MNS1: variants seen among roughly 807,000 people sequenced by gnomAD.
MNS1 encodes the protein meiosis-specific nuclear structural protein 1.
In MNS1, 63 loss-of-function variants were observed where a neutral mutation model predicts 72.0. That is an observed-to-expected ratio of 0.87 (90% CI 0.71 to 1.08). The LOEUF (loss-of-function observed/expected upper bound fraction) is 1.08, where lower values mean the gene tolerates loss of function less well. Among genes scored for constraint, MNS1 ranks in the 50% least tolerant of loss-of-function variants. The probability of loss-of-function intolerance (pLI) is 0.00; values close to 1 mark genes in which losing one functional copy is unlikely to be tolerated. For synonymous variants in MNS1, 188 were observed against 172.1 expected, an observed-to-expected ratio of 1.09 and a Z score of -0.72; for missense variants, 604 against 562.4, an observed-to-expected ratio of 1.07 and a Z score of -0.75.
At chr15:56,429,438 A>G (rs147756291) in intron 9 of MNS1, 11 of 357,846 alleles carry the variant, frequency 3.1e-5, no homozygotes, top group African/African-American at 2.4e-4. Context: ...TTTCATAGGA[A>G]TCTGAGCTCT....
chr15:56,452,417 G>A (rs1596266490), intron 3 of MNS1, among the ~76,000 whole-genome samples: 1 of 152,098 alleles, frequency 6.6e-6, no homozygotes, highest in East Asian at 1.9e-4. Flanking sequence ...TTCTTATTGG[G>A]GGTGGTAACT....
chr15:56,446,927 A>G lies in MNS1; in HGVS notation c.370T>C (p.Leu124=). The change falls in exon 4 of 10, where the codon TTG becomes CTG. Residue 124 remains leucine (L), a synonymous_variant. Coordinates refer to ENST00000260453, the MANE Select transcript of MNS1 (RefSeq NM_018365.4). ...VRENSIELRE[L]EKKLKAAYMN... ...TAAGCTGCTTTTAATTTCTTCTCCA[A>G]TTCTCTAAGCTCAATGCTGTTTAAA... 6.2e-7 allele frequency: 1 copy of G among 1,608,348 alleles called. No homozygotes were observed. Among genetic ancestry groups the G allele is most frequent in the East Asian group, 2.2e-5 (1 of 44,702 alleles).
Position 56,443,727 on chromosome 15 carries a change from C to T in MNS1, c.814G>A (p.Glu272Lys), listed in dbSNP as rs1451114911. Residue 272 changes from glutamate (E) to lysine (K), a missense_variant, in exon 6 of 10, where the codon GAG becomes AAG. Glu to Lys is a moderately conservative substitution (Grantham distance 56). Coordinates refer to ENST00000260453, the MANE Select transcript of MNS1 (RefSeq NM_018365.4). Reference protein sequence around the residue: ...EMEEENRKIIEFANMQQQREE... With the variant: ...EMEEENRKIIKFANMQQQREE... ...CTTTGCTGCTGCATGTTAGCAAACT[C>T]TATGATTTTTCTGTTTTCTTCTTCC... 2 of 1,613,220 alleles carry T rather than the reference C, an allele frequency of 1.2e-6. No homozygotes were observed. Among genetic ancestry groups the T allele is most frequent in the East Asian group, 4.5e-5 (2 of 44,818 alleles).
intron 2 of MNS1, among the ~76,000 whole-genome samples, chr15:56,460,014 A>ATG (rs1172252290): frequency 6.7e-5 from 2 of 29,684 alleles, no homozygotes; most frequent in Admixed American, 4.3e-4. Flanking sequence ...AAAAAAATAC[A>ATG]TATATATATA....
Position 56,448,947 on chromosome 15 carries a change from G to A in MNS1, c.354-2004C>T, listed in dbSNP as rs28850044. ...TTTTTGTATTTTGAGTACAGATGGA[G>A]TTACACCATGTTGGCTAGGCTGGTT... On this transcript the variant is annotated intron_variant, in intron 3 of 9. Coordinates refer to ENST00000260453, the MANE Select transcript of MNS1 (RefSeq NM_018365.4). 2.7e-3 allele frequency among the ~76,000 whole-genome samples: 409 copies of A among 151,964 alleles called. 1 individual carries two copies. The highest frequency in any genetic ancestry group is 9.3e-3 in the African/African-American group (387 of 41,450).
intron 9 of MNS1, 120 bp downstream of exon 9, chr15:56,431,253 A>G (rs1396936293): frequency 2.0e-5 from 23 of 1,164,022 alleles, no homozygotes; most frequent in Admixed American, 2.3e-5. Context: ...GGAGGATCCC[A>G]TTGCTGCTTC....
At chr15:56,446,816 A>T in intron 4 of MNS1, 25 bp downstream of exon 4, 6 of 1,530,806 alleles carry the variant, frequency 3.9e-6, no homozygotes, top group Non-Finnish European at 4.5e-6. Flanking sequence ...GAAGCTAAAA[A>T]CATAATGACC....
At chr15:56,434,476 A>C (rs921675252) in intron 7 of MNS1, 81 bp from the exon 8 acceptor site, 17 of 1,379,874 alleles carry the variant, frequency 1.2e-5, no homozygotes, top group Non-Finnish European at 1.7e-5. Context: ...GAGTTTGGTT[A>C]AATTTAGTAT....
intron 3 of MNS1, among the ~76,000 whole-genome samples, chr15:56,452,514 C>G (rs1190732520): frequency 1.5e-5 from 2 of 137,146 alleles, no homozygotes; most frequent in Non-Finnish European, 3.2e-5. Flanking sequence ...GTTTTGTTTT[C>G]TTTTTTTCTT....
chr15:56,430,308 G>T (rs1177346105), intron 9 of MNS1, among the ~76,000 whole-genome samples: 1 of 152,168 alleles, frequency 6.6e-6, no homozygotes, highest in Non-Finnish European at 1.5e-5. Flanking sequence ...CCAGGCTCAA[G>T]CAATCTTCCA....
intron 2 of MNS1, among the ~76,000 whole-genome samples, chr15:56,462,328 T>G (rs548213399): frequency 9.3e-4 from 142 of 152,322 alleles, no homozygotes; most frequent in African/African-American, 3.2e-3. Flanking sequence ...GAAACCAGAC[T>G]GTCTTCCTAA....
chr15:56,461,990 T>A, intron 2 of MNS1, among the ~76,000 whole-genome samples: 1 of 131,226 alleles, frequency 7.6e-6, no homozygotes, highest in Non-Finnish European at 1.6e-5. Flanking sequence ...TTTTTTTTTT[T>A]TTTTTTTTTT....
At position 56,455,060 on chromosome 15, in the gene MNS1, A is replaced by G. The variant is rs545937402; in HGVS notation, c.353+1334T>C. Among the ~76,000 whole-genome samples the G allele has an allele frequency of 1.2e-3, 183 of 152,240 alleles. 1 individual carries two copies. Among genetic ancestry groups the G allele is most frequent in the African/African-American group, 4.0e-3 (168 of 41,546 alleles). On this transcript the variant is annotated intron_variant, in intron 3 of 9. Transcript: ENST00000260453. ...AGAAACCTCTAGAGGAAATGCCACT[A>G]CAAATGCCAAGCTTGCATTCTGGTT... is the stretch of plus-strand genomic sequence containing the variant.
At chr15:56,460,780 TA>T (rs1467336659) in intron 2 of MNS1, among the ~76,000 whole-genome samples, 5 of 152,202 alleles carry the variant, frequency 3.3e-5, no homozygotes, top group Non-Finnish European at 7.3e-5. Flanking sequence ...TTATTTCCAC[TA>T]AATGATAACA....
intron 2 of MNS1, among the ~76,000 whole-genome samples, chr15:56,458,361 C>T (rs2050994419): frequency 6.6e-6 from 1 of 152,148 alleles, no homozygotes; most frequent in Non-Finnish European, 1.5e-5. Flanking sequence ...CATATATTCC[C>T]TGTCCCTACA....
intron 2 of MNS1, among the ~76,000 whole-genome samples, chr15:56,462,663 G>C (rs1196985397): frequency 6.6e-6 from 1 of 152,194 alleles, no homozygotes; most frequent in East Asian, 1.9e-4. Flanking sequence ...TCAATTAAGA[G>C]GGACTTAAAC....
At chr15:56,455,083 G>A (rs1269234941) in intron 3 of MNS1, among the ~76,000 whole-genome samples, 3 of 151,980 alleles carry the variant, frequency 2.0e-5, no homozygotes, top group Non-Finnish European at 4.4e-5. Context: ...TTGCATTCTG[G>A]TTTCCTTCCT....
chr15:56,435,766 C>T (rs2050713452), intron 7 of MNS1, among the ~76,000 whole-genome samples: 1 of 151,956 alleles, frequency 6.6e-6, no homozygotes, highest in African/African-American at 2.4e-5. Flanking sequence ...ACGAATTCTA[C>T]ACAATCTCTT....
intron 2 of MNS1, among the ~76,000 whole-genome samples, chr15:56,460,990 G>C (rs574568588): frequency 6.6e-6 from 1 of 152,226 alleles, no homozygotes; most frequent in African/African-American, 2.4e-5. Context: ...GCAGGCTCAA[G>C]ACCCAGAAAG....
Sources: allele counts gnomAD v4.1 joint callset (sites outside exome capture counted in the v4.1 genomes callset), GRCh38; gene constraint gnomAD v4.1.1; transcripts MANE v1.5; gene names NCBI Gene and HGNC (gene_info 2026-07-23, HGNC 2026-07-21).